The following SORCS1 variants were observed in gnomAD, a reference collection of about 807,000 sequenced individuals.
SORCS1 encodes sortilin related VPS10 domain containing receptor 1.
A neutral mutation model predicts 146.1 loss-of-function variants in SORCS1; 60 were observed. The observed-to-expected ratio is 0.41, with a 90% CI of 0.33 to 0.51. The LOEUF (loss-of-function observed/expected upper bound fraction) is 0.51. SORCS1 is among the 20% of genes least tolerant of loss of function. The probability of loss-of-function intolerance (pLI) is 0.21; values close to 1 mark genes in which losing one functional copy is unlikely to be tolerated. For missense variants in SORCS1, 1,352 were observed against 1,487.6 expected, an observed-to-expected ratio of 0.91 and a Z score of 1.50; for synonymous variants, 637 against 584.0, an observed-to-expected ratio of 1.09 and a Z score of -1.31.
At chr10:107,019,475 C>T (rs948094073) in intron 1 of SORCS1, among the ~76,000 whole-genome samples, 1 of 152,066 alleles carries the variant, frequency 6.6e-6, no homozygotes, top group Non-Finnish European at 1.5e-5. Context: ...TTTTTAAAAG[C>T]TCGTCTAAAT....
chr10:106,714,165 A>C, intron 6 of SORCS1, among the ~76,000 whole-genome samples: 1 of 146,476 alleles, frequency 6.8e-6, no homozygotes, highest in African/African-American at 2.6e-5. Context: ...AAAAAAAAAG[A>C]TACCCTTTGA....
chr10:106,808,286 G>C (rs956516791), intron 3 of SORCS1, among the ~76,000 whole-genome samples: 7 of 152,280 alleles, frequency 4.6e-5, no homozygotes, highest in African/African-American at 1.4e-4. Flanking sequence ...CCAAAGTGCT[G>C]GAATTACAGG....
chr10:107,174,918 T>G, the SORCS1 span, among the ~76,000 whole-genome samples: 1 of 152,204 alleles, frequency 6.6e-6, no homozygotes, highest in Admixed American at 6.5e-5. Flanking sequence ...GAGTTTTTCT[T>G]GCCAATCACT....
At chr10:107,049,647 G>A (rs1959920933) in intron 1 of SORCS1, among the ~76,000 whole-genome samples, 1 of 152,074 alleles carries the variant, frequency 6.6e-6, no homozygotes, top group South Asian at 2.1e-4. Flanking sequence ...TGTCTTTAAT[G>A]TATTATTCAG....
intron 1 of SORCS1, among the ~76,000 whole-genome samples, chr10:107,002,073 G>A (rs533078999): frequency 6.6e-5 from 10 of 152,236 alleles, no homozygotes; most frequent in East Asian, 1.9e-4. Context: ...TGAACACAGC[G>A]AAGACCACTG....
chr10:106,630,848 TA>T (rs200290220), intron 18 of SORCS1, among the ~76,000 whole-genome samples: 227 of 141,766 alleles, frequency 1.6e-3, no homozygotes, highest in Middle Eastern at 0.011. Flanking sequence ...CCCAGACCTG[TA>T]AAAAAAAAAA....
intron 1 of SORCS1, among the ~76,000 whole-genome samples, chr10:107,141,356 T>C (rs892134323): frequency 2.6e-5 from 4 of 152,196 alleles, no homozygotes; most frequent in Non-Finnish European, 5.9e-5. Flanking sequence ...GTCTCCTCCA[T>C]CTAATAACAT....
chr10:106,856,183 C>T (rs982498562), intron 2 of SORCS1, among the ~76,000 whole-genome samples: 9 of 152,038 alleles, frequency 5.9e-5, no homozygotes, highest in African/African-American at 1.9e-4. Flanking sequence ...TGCCTCACCG[C>T]GTCCAGCTAA....
At chr10:106,761,459 G>A (rs577353597) in intron 5 of SORCS1, 129 bp downstream of exon 5, 32 of 724,978 alleles carry the variant, frequency 4.4e-5, no homozygotes, top group Non-Finnish European at 6.3e-5. Context: ...CTGAGGGGAT[G>A]TGGGCATGTC....
chr10:106,694,369 C>T (rs1265655624), intron 9 of SORCS1, among the ~76,000 whole-genome samples: 1 of 152,168 alleles, frequency 6.6e-6, no homozygotes, highest in East Asian at 1.9e-4. Flanking sequence ...AAGTGATTCT[C>T]CTGCCTCAGC....
chr10:106,844,326 C>A (rs548210503), intron 2 of SORCS1, among the ~76,000 whole-genome samples: 1 of 151,640 alleles, frequency 6.6e-6, no homozygotes, highest in African/African-American at 2.4e-5. Context: ...TAATATATTC[C>A]CACATTTTGC....
chr10:107,099,725 G>C (rs530046752), intron 1 of SORCS1, among the ~76,000 whole-genome samples: 1 of 152,068 alleles, frequency 6.6e-6, no homozygotes, highest in Non-Finnish European at 1.5e-5. Flanking sequence ...CAACCATAAA[G>C]AATACAATAA....
At chr10:106,787,960 C>T (rs1946133526) in intron 3 of SORCS1, among the ~76,000 whole-genome samples, 1 of 152,182 alleles carries the variant, frequency 6.6e-6, no homozygotes, top group African/African-American at 2.4e-5. Flanking sequence ...CTGCCTTGAT[C>T]ATATGAAAGA....
intron 2 of SORCS1, among the ~76,000 whole-genome samples, chr10:106,894,599 T>C (rs903778465): frequency 6.6e-6 from 1 of 152,112 alleles, no homozygotes; most frequent in Non-Finnish European, 1.5e-5. Flanking sequence ...TAAACTCGCA[T>C]AGCCAATGAA....
At chr10:107,003,950 T>C (rs1304638693) in intron 1 of SORCS1, among the ~76,000 whole-genome samples, 9 of 151,408 alleles carry the variant, frequency 5.9e-5, no homozygotes, top group Non-Finnish European at 1.2e-4. Context: ...CCGAGGAGGG[T>C]GGATCACAAG....
At chr10:107,179,816 C>A in the SORCS1 span, among the ~76,000 whole-genome samples, 1 of 150,446 alleles carries the variant, frequency 6.6e-6, no homozygotes, top group South Asian at 2.1e-4. Flanking sequence ...AGATACTAGT[C>A]CTTTGTCAGA....
At chr10:106,584,645 A>C (rs1423343067) in intron 24 of SORCS1, among the ~76,000 whole-genome samples, 1 of 152,190 alleles carries the variant, frequency 6.6e-6, no homozygotes, top group Non-Finnish European at 1.5e-5. Context: ...CCTTTTAGGG[A>C]GCCCTAAATC....
At position 107,163,943 on chromosome 10, in the gene SORCS1, T is replaced by A. The variant is rs576928841; in HGVS notation, c.558+26A>T. Reference sequence around the variant, plus strand: ...TTAACCCTTTCCATCTTTCCACCCCTTTACCCTCAGTCCCATTCTACTCAC... The same window carrying A: ...TTAACCCTTTCCATCTTTCCACCCCATTACCCTCAGTCCCATTCTACTCAC... On this transcript the variant is annotated intron_variant, in intron 1 of 25. Transcript: ENST00000263054. 38 of 1,597,924 alleles carry A rather than the reference T, an allele frequency of 2.4e-5. No individual in the cohort carries two copies. The African/African-American group carries it at 4.5e-4, about 19-fold the overall frequency.
intron 2 of SORCS1, among the ~76,000 whole-genome samples, chr10:106,924,254 C>CA (rs750347755): frequency 5.9e-4 from 40 of 68,184 alleles, no homozygotes; most frequent in East Asian, 4.0e-3. Context: ...AACTCCATCT[C>CA]AAAAAAAAAA....
Sources: allele counts gnomAD v4.1 joint callset (sites outside exome capture counted in the v4.1 genomes callset), GRCh38; gene constraint gnomAD v4.1.1; transcripts MANE v1.5; gene names NCBI Gene and HGNC (gene_info 2026-07-23, HGNC 2026-07-21).